FAM161A: variants seen among roughly 807,000 people sequenced by gnomAD.
FAM161A encodes the protein protein FAM161A.
A neutral mutation model predicts 70.9 loss-of-function variants in FAM161A; 57 were observed. That is an observed-to-expected ratio of 0.80 (90% confidence interval 0.65 to 1.00). The LOEUF (loss-of-function observed/expected upper bound fraction) is 1.00, where lower values mean the gene tolerates loss of function less well. Ranked by LOEUF, FAM161A falls within the 50% of genes least tolerant of loss-of-function variation. FAM161A has a pLI of 0.00. For missense variants in FAM161A, 880 were observed against 836.0 expected (o/e 1.05, Z -0.65); for synonymous variants, 299 against 295.7 (o/e 1.01, Z -0.12).
At chr2:61,811,348 C>T in the FAM161A span, among the ~76,000 whole-genome samples, 1 of 151,986 alleles carries the variant, frequency 6.6e-6, no homozygotes, top group Non-Finnish European at 1.5e-5. Context: ...CAGGTATGCG[C>T]CGCCGCACCT....
intron 5 of FAM161A, among the ~76,000 whole-genome samples, chr2:61,828,521 C>A (rs1400565466): frequency 6.6e-6 from 1 of 152,004 alleles, no homozygotes; most frequent in Non-Finnish European, 1.5e-5. Context: ...TAGGACGGGG[C>A]GTCACTATGT....
the FAM161A span, among the ~76,000 whole-genome samples, chr2:61,806,903 A>C: frequency 2.0e-5 from 3 of 151,758 alleles, no homozygotes; most frequent in Admixed American, 6.6e-5. Context: ...CGTGTTAGTC[A>C]TGATGGTCTT....
chr2:61,838,106 A>C (rs747566125), intron 4 of FAM161A, among the ~76,000 whole-genome samples: 4 of 152,240 alleles, frequency 2.6e-5, no homozygotes, highest in African/African-American at 9.6e-5. Context: ...AACACATACT[A>C]CTAAACATTA....
downstream of FAM161A, among the ~76,000 whole-genome samples, chr2:61,823,117 G>A (rs1558470555): frequency 5.3e-5 from 8 of 151,114 alleles, no homozygotes; most frequent in South Asian, 1.3e-3. Flanking sequence ...GATGGATGAC[G>A]AGGTCAGGAG....
At chr2:61,838,230 C>T (rs1255537643) in intron 4 of FAM161A, among the ~76,000 whole-genome samples, 1 of 152,070 alleles carries the variant, frequency 6.6e-6, no homozygotes, top group East Asian at 1.9e-4. Flanking sequence ...TTACTGCAAT[C>T]AAAAATAATA....
Position 61,844,636 on chromosome 2 carries a change from T to C in FAM161A, c.184-2276A>G, listed in dbSNP as rs183725125. ...GTCACCTGAACCCAGGAGGTGGAGG[T>C]TGCAGTCAGCCAAGATCGTACCACA... On this transcript the variant is annotated intron_variant, in intron 1 of 6. Coordinates refer to ENST00000404929, the MANE Select transcript of FAM161A (RefSeq NM_001201543.2). Among the ~76,000 whole-genome samples the C allele has an allele frequency of 2.3e-3, 355 of 151,736 alleles. 1 individual carries two copies. Among genetic ancestry groups the C allele is most frequent in the African/African-American group, 8.2e-3 (340 of 41,318 alleles).
the FAM161A span, among the ~76,000 whole-genome samples, chr2:61,817,730 G>A: frequency 6.6e-6 from 1 of 152,204 alleles, no homozygotes; most frequent in African/African-American, 2.4e-5. Flanking sequence ...ACTTTGGGAG[G>A]CCAAGGCAGG....
At chr2:61,815,533 G>GTTTT in the FAM161A span, among the ~76,000 whole-genome samples, 1 of 94,624 alleles carries the variant, frequency 1.1e-5, no homozygotes, top group Non-Finnish European at 2.0e-5. Context: ...TGAAAGATGT[G>GTTTT]TCTTTTTTTT....
the FAM161A span, among the ~76,000 whole-genome samples, chr2:61,819,267 G>A: frequency 6.6e-6 from 1 of 152,188 alleles, no homozygotes; most frequent in Admixed American, 6.6e-5. Context: ...TTCAAGACCA[G>A]CCTGGGCAAC....
chr2:61,851,750 G>A (rs895656721), intron 1 of FAM161A, among the ~76,000 whole-genome samples: 1 of 151,594 alleles, frequency 6.6e-6, no homozygotes, highest in African/African-American at 2.4e-5. Context: ...CACTGCAAGG[G>A]GGGTGCGTGT....
chr2:61,849,865 T>G (rs867253639), intron 1 of FAM161A, among the ~76,000 whole-genome samples: 3 of 150,848 alleles, frequency 2.0e-5, no homozygotes, highest in Non-Finnish European at 4.4e-5. Context: ...TTAAACAAAT[T>G]AACAGAAAAC....
At chr2:61,834,075 T>C (rs1672682467) in intron 5 of FAM161A, among the ~76,000 whole-genome samples, 1 of 152,116 alleles carries the variant, frequency 6.6e-6, no homozygotes, top group Non-Finnish European at 1.5e-5. Flanking sequence ...GCTGATGCTA[T>C]TCACAACAGC....
chr2:61,826,982 A>G, intron 6 of FAM161A, 122 bp downstream of exon 6: 1 of 885,142 alleles, frequency 1.1e-6, no homozygotes, highest in South Asian at 1.5e-5. Context: ...GTCTTTTACT[A>G]TTGGGTAAAA....
Position 61,829,685 on chromosome 2 carries a change from TA to T in FAM161A, c.1852-2428del, listed in dbSNP as rs151106156. 3.1e-3 allele frequency among the ~76,000 whole-genome samples: 465 copies of T among 152,244 alleles called. 9 individuals are homozygous for T. The East Asian group carries it at 0.038, about 12-fold the overall frequency. On this transcript the variant is annotated intron_variant, in intron 5 of 6. Coordinates refer to ENST00000404929, the MANE Select transcript of FAM161A (RefSeq NM_001201543.2). ...TCAGCAAATTAAATATATAAGACAT[TA>T]AAAAGACATTAGTCAAAATTTGTGC...
chr2:61,850,439 A>G (rs1451308511), intron 1 of FAM161A, among the ~76,000 whole-genome samples: 1 of 151,924 alleles, frequency 6.6e-6, no homozygotes, highest in Non-Finnish European at 1.5e-5. Context: ...ATGTGTGTAT[A>G]TGTGTATGTA....
chr2:61,836,242 A>G (rs779963329), intron 4 of FAM161A, 133 bp from the exon 5 acceptor site: 10 of 723,430 alleles, frequency 1.4e-5, no homozygotes, highest in Non-Finnish European at 2.2e-5. Context: ...TAGCTGACAA[A>G]TCAGAAATTA....
In FAM161A at chr2:61,839,923, G is replaced by A; in HGVS notation, c.1081C>T (p.Pro361Ser). The A allele has an allele frequency of 6.2e-7, 1 of 1,614,182 alleles. No homozygotes were observed. The highest frequency in any genetic ancestry group is 8.5e-7 in the Non-Finnish European group (1 of 1,180,036). The change falls in exon 3 of 7, where the codon CCT (proline) becomes TCT (serine). Residue 361 changes from proline (P) to serine (S), a missense_variant. Transcript: ENST00000404929. ...GTAGTTGAACCATAAGTAGATCGAG[G>A]AATGGGTCTGGCTTTAAATCGATTT... ...KTNRFKARPI[P>S]RSTYGSTTND...
chr2:61,832,645 G>A (rs1672624576), intron 5 of FAM161A, among the ~76,000 whole-genome samples: 1 of 152,182 alleles, frequency 6.6e-6, no homozygotes, highest in South Asian at 2.1e-4. Context: ...GTGGGAGGGC[G>A]AGCATTATGG....
chr2:61,820,189 C>T, downstream of FAM161A: 1 of 535,960 alleles, frequency 1.9e-6, no homozygotes, highest in Non-Finnish European at 3.3e-6. Context: ...AATCTCTCTT[C>T]CCACTGCTGT....
Sources: allele counts gnomAD v4.1 joint callset (sites outside exome capture counted in the v4.1 genomes callset), GRCh38; gene constraint gnomAD v4.1.1; transcripts MANE v1.5; gene names NCBI Gene and HGNC (gene_info 2026-07-23, HGNC 2026-07-21).